ERMARD: variants seen among roughly 807,000 people sequenced by gnomAD.
The protein encoded by ERMARD is endoplasmic reticulum membrane-associated RNA degradation protein.
In ERMARD, 71 loss-of-function variants were observed where a neutral mutation model predicts 83.9. That is an observed-to-expected ratio of 0.85 (90% confidence interval 0.70 to 1.03). The LOEUF (loss-of-function observed/expected upper bound fraction) is 1.03. Ranked by LOEUF, ERMARD falls within the 50% of genes least tolerant of loss-of-function variation. The probability of loss-of-function intolerance (pLI) is 0.00; values close to 1 mark genes in which losing one functional copy is unlikely to be tolerated. For synonymous variants in ERMARD, 284 were observed against 298.6 expected, an observed-to-expected ratio of 0.95 and a Z score of 0.50; for missense variants, 838 against 810.9, an observed-to-expected ratio of 1.03 and a Z score of -0.41.
Position 169,760,049 on chromosome 6 carries a change from G to A in ERMARD, c.742+75G>A. 6 of 1,591,028 alleles carry A rather than the reference G, an allele frequency of 3.8e-6. No individual in the cohort carries two copies. The South Asian group carries it at 6.9e-5, about 18-fold the overall frequency. ...CAAAGTCAGTAAACAGCATTAAGAG[G>A]TGCACTCTTGAGGTGGGGTGAAGTA... is the stretch of plus-strand genomic sequence containing the variant. On this transcript the variant is annotated intron_variant, in intron 7 of 17. Coordinates refer to ENST00000366773, the MANE Select transcript of ERMARD (RefSeq NM_018341.3).
chr6:169,752,013 C>T (rs1790174611), intron 1 of ERMARD: 1 of 354,806 alleles, frequency 2.8e-6, no homozygotes, highest in Non-Finnish European at 5.0e-6. Context: ...TGGCTCGTTC[C>T]TAGAAGCGCA....
At chr6:169,753,238 G>C (rs1052290622) in intron 1 of ERMARD, 1 of 154,332 alleles carries the variant, frequency 6.5e-6, no homozygotes, top group Non-Finnish European at 1.5e-5. Flanking sequence ...GGCGGAAGAG[G>C]GGGAGGATAG....
intron 3 of ERMARD, 40 bp downstream of exon 3, chr6:169,755,462 C>T (rs778152286): frequency 1.2e-4 from 186 of 1,609,854 alleles, no homozygotes; most frequent in Non-Finnish European, 1.4e-4. Context: ...AAAGACTGTG[C>T]GAATACTACT....
chr6:169,764,243 C>G (rs1791914772), intron 9 of ERMARD, among the ~76,000 whole-genome samples: 1 of 149,990 alleles, frequency 6.7e-6, no homozygotes, highest in Non-Finnish European at 1.5e-5. Context: ...CCTGCTGATT[C>G]TTTTTTTTAG....
chr6:169,763,034 G>A (rs565815560), intron 9 of ERMARD, among the ~76,000 whole-genome samples: 11 of 152,274 alleles, frequency 7.2e-5, no homozygotes, highest in East Asian at 1.9e-4. Flanking sequence ...GTACACACAC[G>A]CGTACACACA....
intron 10 of ERMARD, chr6:169,767,856 CAT>C: frequency 3.8e-6 from 2 of 529,966 alleles, no homozygotes; most frequent in Non-Finnish European, 6.8e-6. Flanking sequence ...ACACACCACA[CAT>C]ATTCATAGTC....
rs192799476 is a variant in ERMARD at position 169,779,085 on chromosome 6, A to G, written c.1740-97A>G. On this transcript the variant is annotated intron_variant, in intron 16 of 17. Coordinates refer to ENST00000366773, the MANE Select transcript of ERMARD (RefSeq NM_018341.3). ...GAAAATTATTTTTTGAGAAGTTGGG[A>G]CTTAAGGATGTTGATTAGGTGAAAC... The G allele has an allele frequency of 5.5e-4, 577 of 1,042,400 alleles. 2 individuals carry two copies. In the African/African-American group the frequency reaches 7.8e-3, roughly 14 times the overall value. The allele number at this position is 1,042,400 out of a possible 1,614,324, so 64.6% of individuals were successfully genotyped here.
At chr6:169,752,001 C>A in intron 1 of ERMARD, 1 of 376,474 alleles carries the variant, frequency 2.7e-6, no homozygotes, top group Admixed American at 4.9e-5. Context: ...CTCACCTGAC[C>A]GTGGCTCGTT....
chr6:169,768,616 T>C (rs1490772726), intron 11 of ERMARD, among the ~76,000 whole-genome samples: 1 of 152,016 alleles, frequency 6.6e-6, no homozygotes, highest in Non-Finnish European at 1.5e-5. Context: ...ATTAGCTGGG[T>C]GCGGTGGCGG....
rs946252310 is a variant in ERMARD, at chr6:169,781,483, C to T, written c.2007C>T (p.Ala669=). Reference sequence around the variant, plus strand: ...AGAAACAAATGTTAATACATTTAGCCAAGAAATCCACAAGTAAAGTACTCT... The same window carrying T: ...AGAAACAAATGTTAATACATTTAGCTAAGAAATCCACAAGTAAAGTACTCT... The part of the protein sequence containing the change: ...SEKKQMLIHL[A]KKSTSKVLL The change falls in exon 18 of 18, where the codon GCC becomes GCT. Residue 669 remains alanine (A), a synonymous_variant. Transcript: ENST00000366773. 1.9e-6 allele frequency: 3 copies of T among 1,603,184 alleles called. No homozygotes were observed. The highest frequency in any genetic ancestry group is 2.7e-5 in the African/African-American group (2 of 74,690).
chr6:169,756,638 A>G, intron 4 of ERMARD, 81 bp from the exon 5 acceptor site: 1 of 1,266,656 alleles, frequency 7.9e-7, no homozygotes, highest in Non-Finnish European at 1.1e-6. Context: ...TCATTTGTAC[A>G]AACAGTTGCT....
chr6:169,751,377 T>C (rs141108786), upstream of ERMARD: 97 of 1,614,166 alleles, frequency 6.0e-5, no homozygotes, highest in African/African-American at 1.2e-3. Flanking sequence ...CTTTCTTTCC[T>C]AGGCGTCACC....
chr6:169,768,247 A>ATTTTGGCTTGAGAT (rs1260835112), intron 11 of ERMARD, 76 bp downstream of exon 11: 19 of 1,395,128 alleles, frequency 1.4e-5, no homozygotes, highest in Non-Finnish European at 1.9e-5. Flanking sequence ...AATTAAATTA[A>ATTTTGGCTTGAGAT]TTTTGGCTTG....
chr6:169,762,288 T>G, intron 8 of ERMARD, 141 bp from the exon 9 acceptor site: 1 of 692,466 alleles, frequency 1.4e-6, no homozygotes, highest in Non-Finnish European at 2.4e-6. Flanking sequence ...TTTCCCAGGC[T>G]GGTCTTGAAC....
At chr6:169,754,426 A>G (rs1322799414) in intron 2 of ERMARD, among the ~76,000 whole-genome samples, 1 of 152,186 alleles carries the variant, frequency 6.6e-6, no homozygotes. Context: ...TTTGGAGCAG[A>G]GATATAGGTG....
Position 169,773,139 on chromosome 6 carries a change from T to C in ERMARD, c.1234-180T>C. ...ATGGCCTCCATTTAAAATCATTTTA[T>C]TGGCTGTCATTTGCCTGCCATGTCA... On this transcript the variant is annotated intron_variant, in intron 12 of 17. Coordinates refer to ENST00000366773, the MANE Select transcript of ERMARD (RefSeq NM_018341.3). 2 of 537,214 alleles carry C rather than the reference T, an allele frequency of 3.7e-6. 1 individual carries two copies. The highest frequency in any genetic ancestry group is 5.8e-5 in the South Asian group (2 of 34,328). 33.3% of individuals were successfully genotyped at this position (537,214 alleles called of 1,614,324 possible). A position where few individuals can be genotyped will look rare whatever the true frequency, so the allele number is the denominator to read the frequency against.
intron 9 of ERMARD, among the ~76,000 whole-genome samples, chr6:169,764,438 AT>A (rs367715626): frequency 2.8e-5 from 4 of 145,056 alleles, no homozygotes; most frequent in East Asian, 2.0e-4. Context: ...TCATTTTTAC[AT>A]TTTTTTTTTC....
In ERMARD at chr6:169,762,499, A is replaced by T; in HGVS notation, c.928A>T (p.Asn310Tyr). 5 of 1,614,216 alleles carry T rather than the reference A, an allele frequency of 3.1e-6. No individual in the cohort carries two copies. Among genetic ancestry groups the T allele is most frequent in the Non-Finnish European group, 4.2e-6 (5 of 1,180,026 alleles). The stretch of plus-strand genomic sequence containing the variant: ...ACTTAGGAATGTTTTTGCCACACTT[A>T]ACAGATGTCCAAAAAGACTCCTGAC... Reference protein sequence around the residue: ...TGLRNVFATLNRCPKRLLTAE... With the variant: ...TGLRNVFATLYRCPKRLLTAE... The change falls in exon 9 of 18, where the codon AAC becomes TAC. Residue 310 changes from asparagine (N) to tyrosine (Y), a missense_variant. Physicochemically the swap from Asn to Tyr is moderately radical, Grantham distance 143. Transcript: ENST00000366773.
intron 12 of ERMARD, chr6:169,771,077 C>CTTTTTT (rs60995171): frequency 6.4e-5 from 9 of 141,304 alleles, no homozygotes; most frequent in African/African-American, 1.3e-4. Flanking sequence ...TCTTTTCTTT[C>CTTTTTT]TTTTTTTTTT....
Sources: allele counts gnomAD v4.1 joint callset (sites outside exome capture counted in the v4.1 genomes callset), GRCh38; gene constraint gnomAD v4.1.1; transcripts MANE v1.5; gene names NCBI Gene and HGNC (gene_info 2026-07-23, HGNC 2026-07-21).